VTI1A: variants seen among roughly 807,000 people sequenced by gnomAD.
The protein encoded by VTI1A is vesicle transport through interaction with t-SNAREs homolog 1A.
VTI1A carries 22 observed loss-of-function variants against 34.9 expected under a neutral mutation model. The ratio of observed to expected loss-of-function variants is 0.63; its 90% CI spans 0.45 to 0.90. VTI1A has a LOEUF of 0.90. VTI1A is among the 40% of genes least tolerant of loss of function. VTI1A has a pLI of 0.00. For missense variants in VTI1A, 268 were observed against 275.6 expected (o/e 0.97, Z 0.20); for synonymous variants, 87 against 97.3 (o/e 0.89, Z 0.62).
chr10:112,727,370 C>T (rs555128930), intron 7 of VTI1A, among the ~76,000 whole-genome samples: 1 of 151,708 alleles, frequency 6.6e-6, no homozygotes, highest in Non-Finnish European at 1.5e-5. Flanking sequence ...GTGAGCAGAG[C>T]AAAACTGTTG....
intron 5 of VTI1A, among the ~76,000 whole-genome samples, chr10:112,541,916 G>A (rs564926144): frequency 1.8e-4 from 27 of 152,330 alleles, no homozygotes; most frequent in African/African-American, 6.5e-4. Context: ...TACACTGGTT[G>A]CATGAACCAT....
chr10:112,838,805 C>G, the VTI1A span, among the ~76,000 whole-genome samples: 1 of 152,216 alleles, frequency 6.6e-6, no homozygotes, highest in East Asian at 1.9e-4. Context: ...GGTGAAATCC[C>G]GATCCTGCAT....
intron 3 of VTI1A, among the ~76,000 whole-genome samples, chr10:112,506,814 C>A (rs1849447771): frequency 6.6e-6 from 1 of 152,120 alleles, no homozygotes; most frequent in African/African-American, 2.4e-5. Context: ...TAAATTCTTG[C>A]AGCTTTTATC....
At chr10:112,548,852 T>C in intron 5 of VTI1A, 2 of 1,468,500 alleles carry the variant, frequency 1.4e-6, no homozygotes, top group Non-Finnish European at 1.8e-6. Context: ...TCTTCCAGCT[T>C]TTTACCGGAA....
chr10:112,561,771 G>GA (rs1048332255), intron 5 of VTI1A, among the ~76,000 whole-genome samples: 9 of 151,984 alleles, frequency 5.9e-5, no homozygotes, highest in Admixed American at 1.3e-4. Context: ...AAACATTCTG[G>GA]AAAAAAGTCT....
chr10:112,653,254 C>T (rs1215941697), intron 5 of VTI1A, among the ~76,000 whole-genome samples: 2 of 152,160 alleles, frequency 1.3e-5, no homozygotes, highest in East Asian at 3.8e-4. Context: ...GCCTTATGTT[C>T]CCTGCCTCCA....
At position 112,617,477 on chromosome 10, in the gene VTI1A, T is replaced by C. The variant is rs1456209878; in HGVS notation, c.428-50741T>C. Among the ~76,000 whole-genome samples the C allele has an allele frequency of 2.0e-5, 3 of 152,098 alleles. No individual in the cohort carries two copies. In the East Asian group the frequency reaches 5.8e-4, roughly 29 times the overall value. On this transcript the variant is annotated intron_variant, in intron 5 of 7. Coordinates refer to ENST00000393077, the MANE Select transcript of VTI1A (RefSeq NM_145206.4). ...GAAATTACTAAATCTAAAAAAATTATAAGATTTACATTTAAATTTAGATTA... is the reference window on the plus strand; with the variant it reads ...GAAATTACTAAATCTAAAAAAATTACAAGATTTACATTTAAATTTAGATTA...
intron 7 of VTI1A, among the ~76,000 whole-genome samples, chr10:112,676,205 A>G (rs1848020098): frequency 6.6e-6 from 1 of 152,098 alleles, no homozygotes; most frequent in South Asian, 2.1e-4. Flanking sequence ...AAAAATCAAT[A>G]ATAATAAATC....
At chr10:112,822,402 G>A (rs1413087444), downstream of VTI1A, among the ~76,000 whole-genome samples, 2 of 152,146 alleles carry the variant, frequency 1.3e-5, no homozygotes, top group South Asian at 2.1e-4. Context: ...GAGAAGGATC[G>A]AGAAAGAGCA....
intron 5 of VTI1A, among the ~76,000 whole-genome samples, chr10:112,626,513 G>C (rs2134596204): frequency 6.6e-6 from 1 of 151,766 alleles, no homozygotes; most frequent in South Asian, 2.1e-4. Context: ...TGAGGACAAG[G>C]ACTACATCTT....
chr10:112,757,351 ATT>A (rs1175362768), intron 7 of VTI1A, among the ~76,000 whole-genome samples: 976 of 40,382 alleles, frequency 0.024, 2 homozygotes, highest in African/African-American at 0.029. Context: ...TGTTGCTGTG[ATT>A]TTTTTTTTTT....
the VTI1A span, chr10:112,827,454 T>C: frequency 6.6e-6 from 1 of 152,166 alleles, no homozygotes; most frequent in Non-Finnish European, 1.5e-5. Context: ...TGCTGTTTCC[T>C]ACATCTCATT....
In VTI1A at chr10:112,497,259, A is replaced by G. The variant is rs188264642; in HGVS notation, c.265-29828A>G. 4.7e-3 allele frequency among the ~76,000 whole-genome samples: 713 copies of G among 152,196 alleles called. 6 individuals are homozygous for G. Among genetic ancestry groups the G allele is most frequent in the African/African-American group, 0.017 (691 of 41,502 alleles). ...CTTGAACCCAGGAGGTGGAGGTTGC[A>G]GTGAGCTGAGATCGTGCTACTGCAC... On this transcript the variant is annotated intron_variant, in intron 3 of 7. Transcript: ENST00000393077.
intron 3 of VTI1A, among the ~76,000 whole-genome samples, chr10:112,510,668 C>T (rs1358230705): frequency 6.6e-6 from 1 of 151,952 alleles, no homozygotes; most frequent in East Asian, 1.9e-4. Context: ...ACCACAAAAA[C>T]AATTATAGTT....
At chr10:112,809,427 G>A (rs878870520) in intron 7 of VTI1A, among the ~76,000 whole-genome samples, 2 of 152,156 alleles carry the variant, frequency 1.3e-5, no homozygotes, top group East Asian at 1.9e-4. Context: ...ATGCTCTCAC[G>A]GTTGCTAATT....
At chr10:112,603,232 AC>A (rs1844944963) in intron 5 of VTI1A, among the ~76,000 whole-genome samples, 2 of 152,318 alleles carry the variant, frequency 1.3e-5, no homozygotes, top group South Asian at 4.1e-4. Context: ...AACAAGCTAA[AC>A]CCAAATGAAG....
At chr10:112,635,099 G>A (rs1001680087) in intron 5 of VTI1A, among the ~76,000 whole-genome samples, 3 of 152,158 alleles carry the variant, frequency 2.0e-5, no homozygotes, top group African/African-American at 7.2e-5. Context: ...AGAAAGCTGG[G>A]GCTGGAGGTG....
intron 7 of VTI1A, among the ~76,000 whole-genome samples, chr10:112,793,941 A>C (rs1852582594): frequency 6.6e-6 from 1 of 152,180 alleles, no homozygotes; most frequent in Non-Finnish European, 1.5e-5. Context: ...TGTCGGCAAA[A>C]GCCCTCAACC....
chr10:112,663,036 C>T (rs1267713077), intron 5 of VTI1A, among the ~76,000 whole-genome samples: 2 of 152,132 alleles, frequency 1.3e-5, no homozygotes, highest in Non-Finnish European at 1.5e-5. Flanking sequence ...ACTCTGACGG[C>T]GTCTTAAAAT....
Sources: gnomAD v4.1 joint callset for allele counts (sites outside exome capture counted in the v4.1 genomes callset) on GRCh38, gnomAD v4.1.1 for gene constraint, MANE v1.5 for transcripts, NCBI Gene and HGNC (gene_info 2026-07-23, HGNC 2026-07-21) for gene names.